MYOF: variants seen among roughly 807,000 people sequenced by gnomAD.
MYOF encodes the protein fer-1-like 3, myoferlin.
Under a neutral mutation model 284.2 loss-of-function variants are expected in MYOF, and 244 were observed. The observed-to-expected ratio is 0.86, with a 90% confidence interval of 0.77 to 0.95. The LOEUF is 0.95. Among genes scored for constraint, MYOF ranks in the 40% least tolerant of loss-of-function variants. The probability of loss-of-function intolerance (pLI) is 0.00; values close to 1 mark genes in which losing one functional copy is unlikely to be tolerated. For missense variants in MYOF, 2,496 were observed against 2,560.6 expected (o/e 0.97, Z 0.54); for synonymous variants, 904 against 919.7 (o/e 0.98, Z 0.31).
chr10:93,417,871 C>T (rs1007793192), intron 5 of MYOF, among the ~76,000 whole-genome samples: 38 of 152,152 alleles, frequency 2.5e-4, no homozygotes, highest in African/African-American at 8.9e-4. Flanking sequence ...AACATTCTGC[C>T]TCTCCTCTCA....
At position 93,408,933 on chromosome 10, in the gene MYOF, G is replaced by A. The variant is rs990561979; in HGVS notation, c.601-18C>T. Reference sequence around the variant, plus strand: ...ACGCGGATCTGCAGCACAGAAGGGGGATGGTTACCCAACCTTTCCCAGCAC... The same window carrying A: ...ACGCGGATCTGCAGCACAGAAGGGGAATGGTTACCCAACCTTTCCCAGCAC... On this transcript the variant is annotated intron_variant, in intron 6 of 53. Transcript: ENST00000359263. 15 of 1,613,414 alleles carry A rather than the reference G, an allele frequency of 9.3e-6. No homozygotes were observed. The African/African-American group carries it at 1.3e-4, about 14-fold the overall frequency.
At chr10:93,382,531 G>C (rs1323917132) in intron 19 of MYOF, among the ~76,000 whole-genome samples, 1 of 152,068 alleles carries the variant, frequency 6.6e-6, no homozygotes, top group Non-Finnish European at 1.5e-5. Context: ...TTAAATTACT[G>C]GTTTACTAAG....
chr10:93,321,110 C>T (rs1432802763), intron 48 of MYOF, among the ~76,000 whole-genome samples: 1 of 152,116 alleles, frequency 6.6e-6, no homozygotes, highest in Non-Finnish European at 1.5e-5. Context: ...TTCCCAACAA[C>T]TGCGTAACTA....
chr10:93,407,679 A>C (rs1228376528), intron 7 of MYOF, among the ~76,000 whole-genome samples: 1 of 149,362 alleles, frequency 6.7e-6, no homozygotes, highest in Admixed American at 6.7e-5. Context: ...CAGAGCTTGC[A>C]GTAAGCCAAC....
intron 3 of MYOF, among the ~76,000 whole-genome samples, chr10:93,441,244 A>C (rs1225761389): frequency 6.6e-6 from 1 of 152,182 alleles, no homozygotes; most frequent in Non-Finnish European, 1.5e-5. Context: ...AAAGTAATAA[A>C]AGCTTAAAGA....
chr10:93,477,374 C>T (rs147242236), intron 1 of MYOF, among the ~76,000 whole-genome samples: 1,691 of 151,966 alleles, frequency 0.011, 12 homozygotes, highest in Middle Eastern at 0.017. Context: ...TGCCTGTAAT[C>T]CCAGCTACTC....
At chr10:93,331,521 G>A (rs1278965311) in intron 43 of MYOF, among the ~76,000 whole-genome samples, 1 of 152,126 alleles carries the variant, frequency 6.6e-6, no homozygotes, top group Non-Finnish European at 1.5e-5. Flanking sequence ...TTCAAAGCTG[G>A]CTTTCCCTGC....
intron 3 of MYOF, among the ~76,000 whole-genome samples, chr10:93,431,741 C>CTTTT (rs1278856588): frequency 7.4e-6 from 1 of 134,444 alleles, no homozygotes; most frequent in Non-Finnish European, 1.6e-5. Flanking sequence ...AAATTTCTTT[C>CTTTT]TTTTCTTTTT....
At chr10:93,455,488 C>G (rs2056723848) in intron 2 of MYOF, among the ~76,000 whole-genome samples, 1 of 151,790 alleles carries the variant, frequency 6.6e-6, no homozygotes, top group Admixed American at 6.6e-5. Context: ...GGCAACACGG[C>G]AAAAGCCCAT....
At chr10:93,431,636 G>A (rs1848876447) in intron 3 of MYOF, 120 bp from the exon 4 acceptor site, 4 of 707,306 alleles carry the variant, frequency 5.7e-6, no homozygotes, top group Non-Finnish European at 9.4e-6. Flanking sequence ...ATAATGAGAT[G>A]TGGGCCATTT....
intron 29 of MYOF, among the ~76,000 whole-genome samples, chr10:93,357,860 C>T (rs928934960): frequency 1.3e-4 from 20 of 152,186 alleles, no homozygotes; most frequent in Non-Finnish European, 2.9e-4. Context: ...GTGTTCTTCC[C>T]GCTTCAACTT....
At chr10:93,360,660 T>A (rs567445473) in intron 28 of MYOF, among the ~76,000 whole-genome samples, 1 of 152,386 alleles carries the variant, frequency 6.6e-6, no homozygotes, top group Admixed American at 6.5e-5. Flanking sequence ...CAAATGCTAT[T>A]GTTCACTTAA....
In MYOF at chr10:93,401,658, T is replaced by G; in HGVS notation, c.991-114A>C. On this transcript the variant is annotated intron_variant, in intron 11 of 53. Coordinates refer to ENST00000359263, the MANE Select transcript of MYOF (RefSeq NM_013451.4). Reference sequence around the variant, plus strand: ...GAATCGTTTCCATTAAGATTTCCTGTGTTTGGGGCTTAAGAGTTCAGCCTG... The same window carrying G: ...GAATCGTTTCCATTAAGATTTCCTGGGTTTGGGGCTTAAGAGTTCAGCCTG... 2.9e-6 allele frequency: 4 copies of G among 1,398,154 alleles called. No homozygotes were observed. In the Admixed American group the frequency reaches 6.1e-5, roughly 21 times the overall value. 86.6% of individuals were successfully genotyped at this position (1,398,154 alleles called of 1,614,324 possible). A position where few individuals can be genotyped will look rare whatever the true frequency, so the allele number is the denominator to read the frequency against.
intron 5 of MYOF, among the ~76,000 whole-genome samples, chr10:93,414,090 C>T (rs1393744885): frequency 1.3e-5 from 2 of 152,230 alleles, no homozygotes; most frequent in Admixed American, 1.3e-4. Flanking sequence ...GACGTTCTCT[C>T]TCTGAAGCCT....
intron 3 of MYOF, among the ~76,000 whole-genome samples, chr10:93,451,478 G>A (rs894820879): frequency 1.1e-4 from 16 of 152,196 alleles, no homozygotes; most frequent in African/African-American, 3.9e-4. Context: ...ACCTGTTTGG[G>A]AAGTCTCCCA....
At chr10:93,455,712 G>A (rs1371289986) in intron 2 of MYOF, among the ~76,000 whole-genome samples, 1 of 152,142 alleles carries the variant, frequency 6.6e-6, no homozygotes, top group East Asian at 1.9e-4. Flanking sequence ...TTATCTTATA[G>A]AGATATTGAA....
chr10:93,356,020 A>G (rs1844787360), intron 30 of MYOF, among the ~76,000 whole-genome samples: 1 of 152,134 alleles, frequency 6.6e-6, no homozygotes, highest in African/African-American at 2.4e-5. Flanking sequence ...AAAAAGGAAA[A>G]ATGTAGAGGA....
At chr10:93,331,582 CT>C (rs1843304093) in intron 43 of MYOF, among the ~76,000 whole-genome samples, 1 of 152,042 alleles carries the variant, frequency 6.6e-6, no homozygotes, top group Admixed American at 6.6e-5. Context: ...GTGCCTTTTC[CT>C]GTCTAGACCT....
chr10:93,362,214 C>T (rs1419973194), intron 27 of MYOF, among the ~76,000 whole-genome samples: 1 of 150,636 alleles, frequency 6.6e-6, no homozygotes, highest in Admixed American at 6.6e-5. Context: ...TCCCAAAGTG[C>T]TGGGATTACA....
Sources: allele counts gnomAD v4.1 joint callset (sites outside exome capture counted in the v4.1 genomes callset), GRCh38; gene constraint gnomAD v4.1.1; transcripts MANE v1.5; gene names NCBI Gene and HGNC (gene_info 2026-07-23, HGNC 2026-07-21).